Variants in IGSF10 observed in about 807,000 individuals in gnomAD.
The protein encoded by IGSF10 is immunoglobulin superfamily member 10, also known as calvaria mechanical force protein 608.
Under a neutral mutation model 128.2 loss-of-function variants are expected in IGSF10, and 126 were observed. That is an observed-to-expected ratio of 0.98 (90% confidence interval 0.85 to 1.14). IGSF10 has a LOEUF of 1.14. Ranked by LOEUF, IGSF10 falls within the 50% of genes most tolerant of loss-of-function variation. The pLI is 0.00. For synonymous variants in IGSF10, 1,185 were observed against 1,146.2 expected (o/e 1.03, Z -0.68); for missense variants, 3,295 against 3,149.8 (o/e 1.05, Z -1.10).
chr3:151,587,137 T>C, the IGSF10 span, among the ~76,000 whole-genome samples: 1 of 152,224 alleles, frequency 6.6e-6, no homozygotes, highest in Non-Finnish European at 1.5e-5. Context: ...ATTCATTAAT[T>C]AATTCAACAT....
chr3:151,511,963 G>C, the IGSF10 span, among the ~76,000 whole-genome samples: 6 of 152,124 alleles, frequency 3.9e-5, no homozygotes, highest in Admixed American at 2.0e-4. Context: ...GATTCATAAA[G>C]CAAGTCCTTA....
chr3:151,453,200 A>G (rs1721592635), intron 5 of IGSF10, among the ~76,000 whole-genome samples, 184 bp downstream of exon 5: 1 of 152,222 alleles, frequency 6.6e-6, no homozygotes, highest in South Asian at 2.1e-4. Flanking sequence ...CTGTGACACT[A>G]CTTGACTGCC....
In IGSF10 at chr3:151,447,501, G is replaced by A; in HGVS notation, c.2480C>T (p.Thr827Ile). The change falls in exon 6 of 8, where the codon ACA (threonine) becomes ATA (isoleucine). Residue 827 changes from threonine to isoleucine, a missense_variant. By Grantham distance (89) the Thr-to-Ile change is moderately conservative. Coordinates refer to ENST00000282466, the MANE Select transcript of IGSF10 (RefSeq NM_178822.5). ...PARTVTADSR[T>I]ISDSPMTNIN... ...GTTTGTCATAGGACTATCAGATATT[G>A]TTCTGGAGTCAGCAGTCACTGTCCT... is the stretch of plus-strand genomic sequence containing the variant. 1 of 1,614,076 alleles carries A rather than the reference G, an allele frequency of 6.2e-7. No individual in the cohort carries two copies. The highest frequency in any genetic ancestry group is 8.5e-7 in the Non-Finnish European group (1 of 1,179,954).
chr3:151,544,914 A>G, the IGSF10 span, among the ~76,000 whole-genome samples: 2 of 151,962 alleles, frequency 1.3e-5, no homozygotes, highest in African/African-American at 4.8e-5. Flanking sequence ...GGTCTTCTAT[A>G]CTGATTCTCT....
chr3:151,446,922 C>T lies in IGSF10; in HGVS notation c.3059G>A (p.Gly1020Glu), dbSNP rs1379327567. 1.9e-6 allele frequency: 3 copies of T among 1,614,048 alleles called. No homozygotes were observed. The highest frequency in any genetic ancestry group is 1.6e-4 in the Middle Eastern group (1 of 6,084). The change falls in exon 6 of 8, where the codon GGG (glycine) becomes GAG (glutamate). Residue 1020 changes from glycine to glutamate, a missense_variant. Physicochemically the swap from Gly to Glu is moderately conservative, Grantham distance 98. Coordinates refer to ENST00000282466, the MANE Select transcript of IGSF10 (RefSeq NM_178822.5). Reference protein sequence around the residue: ...FGRQRKIGGRGRIISPYRTPV... With the variant: ...FGRQRKIGGRERIISPYRTPV... ...AGTTCTATATGGGCTGATAATCCGC[C>T]CCCTTCCGCCAATTTTCCTCTGCCT... is the stretch of plus-strand genomic sequence containing the variant.
rs1421378208 is a variant in IGSF10 at position 151,457,175 on chromosome 3, T to C, written c.195-20A>G. ...TTGTATCTGAAATAAAAAATGACAT[T>C]CTAGGCATAAGCTAAGTCTGTCAAC... On this transcript the variant is annotated intron_variant, in intron 3 of 7. Coordinates refer to ENST00000282466, the MANE Select transcript of IGSF10 (RefSeq NM_178822.5). 1 of 1,612,828 alleles carries C rather than the reference T, an allele frequency of 6.2e-7. No individual in the cohort carries two copies. Among genetic ancestry groups the C allele is most frequent in the Non-Finnish European group, 8.5e-7 (1 of 1,179,298 alleles).
At chr3:151,496,556 G>GTGTATAGGTGCCACA in the IGSF10 span, among the ~76,000 whole-genome samples, 3 of 34,910 alleles carry the variant, frequency 8.6e-5, no homozygotes, top group African/African-American at 4.8e-4. Context: ...GTATTCCATG[G>GTGTATAGGTGCCACA]TTTCCTTAAT....
the IGSF10 span, among the ~76,000 whole-genome samples, chr3:151,497,567 T>A: frequency 3.9e-5 from 6 of 152,232 alleles, no homozygotes. Context: ...CATGCTGTTT[T>A]GGTTACTGTA....
the IGSF10 span, among the ~76,000 whole-genome samples, chr3:151,471,497 TTCC>T: frequency 2.6e-5 from 4 of 152,226 alleles, no homozygotes; most frequent in African/African-American, 9.6e-5. Context: ...AAGGGAACTC[TTCC>T]TCAATTTAAG....
the IGSF10 span, among the ~76,000 whole-genome samples, chr3:151,616,201 A>C: frequency 2.6e-5 from 4 of 152,034 alleles, no homozygotes; most frequent in Admixed American, 1.3e-4. Context: ...CGACCTCAGG[A>C]AGTGATCCTC....
the IGSF10 span, among the ~76,000 whole-genome samples, chr3:151,580,227 A>G: frequency 6.6e-6 from 1 of 152,108 alleles, no homozygotes; most frequent in Non-Finnish European, 1.5e-5. Context: ...CCAGAAATCA[A>G]TGCCCAGTTA....
At chr3:151,585,354 T>C in the IGSF10 span, among the ~76,000 whole-genome samples, 1 of 152,214 alleles carries the variant, frequency 6.6e-6, no homozygotes. Context: ...TTGCATTATA[T>C]TTTAATGGGA....
chr3:151,504,999 GTCT>G, the IGSF10 span, among the ~76,000 whole-genome samples: 1 of 152,118 alleles, frequency 6.6e-6, no homozygotes, highest in Non-Finnish European at 1.5e-5. Flanking sequence ...ACATTTTCCT[GTCT>G]TCTTCTGAGC....
the IGSF10 span, among the ~76,000 whole-genome samples, chr3:151,514,750 T>C: frequency 6.6e-6 from 1 of 151,862 alleles, no homozygotes; most frequent in Non-Finnish European, 1.5e-5. Flanking sequence ...GAATCTACAA[T>C]GAACTCAAAC....
the IGSF10 span, among the ~76,000 whole-genome samples, chr3:151,482,073 A>C: frequency 6.6e-6 from 1 of 152,358 alleles, no homozygotes; most frequent in Admixed American, 6.5e-5. Flanking sequence ...CAATCAATAA[A>C]ATTTGGAATA....
At chr3:151,551,066 C>A in the IGSF10 span, among the ~76,000 whole-genome samples, 1 of 152,114 alleles carries the variant, frequency 6.6e-6, no homozygotes, top group Non-Finnish European at 1.5e-5. Flanking sequence ...ATTAACTTGC[C>A]TGTGTGTCTA....
the IGSF10 span, among the ~76,000 whole-genome samples, chr3:151,528,990 C>A: frequency 6.6e-6 from 1 of 151,952 alleles, no homozygotes; most frequent in African/African-American, 2.4e-5. Context: ...AGTCTGAGGT[C>A]AACCTGGGAT....
At chr3:151,472,423 T>C in the IGSF10 span, among the ~76,000 whole-genome samples, 4 of 152,182 alleles carry the variant, frequency 2.6e-5, no homozygotes, top group Non-Finnish European at 5.9e-5. Context: ...CTCATTTTAT[T>C]GGGCAAGTTA....
At chr3:151,598,605 T>C in the IGSF10 span, among the ~76,000 whole-genome samples, 1 of 152,234 alleles carries the variant, frequency 6.6e-6, no homozygotes, top group Non-Finnish European at 1.5e-5. Context: ...TAGTTTACAA[T>C]ACCTAATACA....
Sources: allele counts gnomAD v4.1 joint callset (sites outside exome capture counted in the v4.1 genomes callset), GRCh38; gene constraint gnomAD v4.1.1; transcripts MANE v1.5; gene names NCBI Gene and HGNC (gene_info 2026-07-23, HGNC 2026-07-21).